Variants in SLC35A3 observed in about 807,000 individuals in gnomAD.
SLC35A3 encodes UDP-N-acetylglucosamine transporter.
SLC35A3 carries 26 observed loss-of-function variants against 39.0 expected under a neutral mutation model. The ratio of observed to expected loss-of-function variants is 0.67; its 90% CI spans 0.49 to 0.92. The LOEUF (loss-of-function observed/expected upper bound fraction) is 0.92. Among genes scored for constraint, SLC35A3 ranks in the 40% least tolerant of loss-of-function variants. The probability of loss-of-function intolerance (pLI) is 0.00; values close to 1 mark genes in which losing one functional copy is unlikely to be tolerated. For synonymous variants in SLC35A3, 135 were observed against 133.1 expected (o/e 1.01, Z -0.10); for missense variants, 299 against 371.6 (o/e 0.80, Z 1.61).
chr1:99,975,631 G>A (rs556906427), intron 1 of SLC35A3, among the ~76,000 whole-genome samples: 3 of 152,260 alleles, frequency 2.0e-5, no homozygotes, highest in South Asian at 2.1e-4. Context: ...ATATTTGTTC[G>A]TGAATGCATG....
Position 100,030,764 on chromosome 1 carries a change from G to A in SLC35A3, c.*8288G>A, listed in dbSNP as rs1305370581. ...ATTAAGTTTTTCCCTTTAGGCTAAA[G>A]TTTTATTTTATTCTGCTTGGATAGT... On this transcript the variant is annotated 3_prime_UTR_variant, in exon 8 of 8. Coordinates refer to ENST00000533028, the MANE Select transcript of SLC35A3 (RefSeq NM_012243.3). The A allele has an allele frequency of 6.6e-6, 1 of 152,140 alleles. No individual in the cohort carries two copies. Among genetic ancestry groups the A allele is most frequent in the Non-Finnish European group, 1.5e-5 (1 of 68,012 alleles). The allele number at this position is 152,140 out of a possible 1,614,324, so 9.4% of individuals were successfully genotyped here.
intron 7 of SLC35A3, among the ~76,000 whole-genome samples, chr1:100,021,460 C>T (rs1249373784): frequency 6.6e-6 from 1 of 151,974 alleles, no homozygotes; most frequent in African/African-American, 2.4e-5. Context: ...ATCACTTGAG[C>T]CCAGGAGTTC....
intron 3 of SLC35A3, among the ~76,000 whole-genome samples, chr1:100,001,700 C>T (rs1177513189): frequency 1.3e-5 from 2 of 151,718 alleles, no homozygotes; most frequent in South Asian, 4.2e-4. Context: ...CTCATTTGCC[C>T]GATTTTGTTC....
chr1:99,997,209 T>C (rs1177367498), intron 2 of SLC35A3, among the ~76,000 whole-genome samples: 5 of 151,650 alleles, frequency 3.3e-5, no homozygotes, highest in East Asian at 1.9e-4. Context: ...TGGGTAGTTA[T>C]GCAACACAAT....
intron 1 of SLC35A3, among the ~76,000 whole-genome samples, chr1:99,974,300 T>A (rs1457394548): frequency 6.6e-6 from 1 of 152,150 alleles, no homozygotes; most frequent in African/African-American, 2.4e-5. Flanking sequence ...TTATATTCCT[T>A]AATCATAACC....
At chr1:99,979,518 C>G (rs994948173) in intron 1 of SLC35A3, among the ~76,000 whole-genome samples, 3 of 150,868 alleles carry the variant, frequency 2.0e-5, no homozygotes, top group Non-Finnish European at 4.4e-5. Context: ...ACTGCAAGCT[C>G]CACCTCCCGG....
chr1:99,989,270 C>A (rs1657934813), intron 1 of SLC35A3, among the ~76,000 whole-genome samples: 1 of 151,532 alleles, frequency 6.6e-6, no homozygotes, highest in African/African-American at 2.4e-5. Flanking sequence ...GATAAAATAT[C>A]TTTGTTTTTT....
chr1:100,035,528 T>C lies in SLC35A3; in HGVS notation c.*13052T>C, dbSNP rs1165825878. 2 of 152,244 alleles carry C rather than the reference T, an allele frequency of 1.3e-5. No homozygotes were observed. The highest frequency in any genetic ancestry group is 4.1e-4 in the South Asian group (2 of 4,836). The allele number at this position is 152,244 out of a possible 1,614,324, so 9.4% of individuals were successfully genotyped here. ...GTATTTACTGCAATCTGCAATTACCTTCCTTTTGTTTTGTAACTGTGTCCC... is the reference window on the plus strand; with the variant it reads ...GTATTTACTGCAATCTGCAATTACCCTCCTTTTGTTTTGTAACTGTGTCCC... On this transcript the variant is annotated 3_prime_UTR_variant, in exon 8 of 8. Coordinates refer to ENST00000533028, the MANE Select transcript of SLC35A3 (RefSeq NM_012243.3).
At chr1:99,991,026 A>G (rs1658049817) in intron 1 of SLC35A3, among the ~76,000 whole-genome samples, 1 of 152,242 alleles carries the variant, frequency 6.6e-6, no homozygotes, top group Non-Finnish European at 1.5e-5. Context: ...TGCTGTGTTT[A>G]TAAGCCACCC....
intron 1 of SLC35A3, among the ~76,000 whole-genome samples, chr1:99,972,434 C>G (rs1335265399): frequency 6.7e-6 from 1 of 148,898 alleles, no homozygotes; most frequent in Admixed American, 6.8e-5. Context: ...CTTCCAGGTT[C>G]AAGAGATTCT....
At chr1:100,011,663 C>G (rs1659648000) in intron 5 of SLC35A3, 130 bp downstream of exon 5, 1 of 291,534 alleles carries the variant, frequency 3.4e-6, no homozygotes, top group South Asian at 1.6e-4. Flanking sequence ...TGGCAATGCT[C>G]TTGTCTTTTA....
intron 3 of SLC35A3, among the ~76,000 whole-genome samples, chr1:100,001,568 ATTTG>A (rs1658802599): frequency 6.6e-6 from 1 of 152,016 alleles, no homozygotes; most frequent in Admixed American, 6.6e-5. Context: ...AAACAACTGA[ATTTG>A]TTTATCAGCT....
chr1:99,986,325 C>G (rs1227714674), intron 1 of SLC35A3, among the ~76,000 whole-genome samples: 1 of 151,798 alleles, frequency 6.6e-6, no homozygotes, highest in Non-Finnish European at 1.5e-5. Flanking sequence ...CCACCATGCC[C>G]AGATAATTTT....
chr1:99,992,713 TACTC>T (rs1174428781), intron 1 of SLC35A3, among the ~76,000 whole-genome samples: 1 of 152,238 alleles, frequency 6.6e-6, no homozygotes, highest in African/African-American at 2.4e-5. Context: ...TGGTTGTCCT[TACTC>T]ATCCAAGTTG....
intron 1 of SLC35A3, among the ~76,000 whole-genome samples, chr1:99,986,121 A>G (rs968034052): frequency 2.0e-4 from 30 of 150,746 alleles, no homozygotes; most frequent in African/African-American, 5.4e-4. Flanking sequence ...TTAATTCTTT[A>G]TAGGTAATCT....
rs1661260157 is a variant in SLC35A3, at chr1:100,031,750, A to G, written c.*9274A>G. The G allele has an allele frequency of 6.6e-6, 1 of 152,166 alleles. No homozygotes were observed. The highest frequency in any genetic ancestry group is 1.5e-5 in the Non-Finnish European group (1 of 68,022). 9.4% of individuals were successfully genotyped at this position (152,166 alleles called of 1,614,324 possible). On this transcript the variant is annotated 3_prime_UTR_variant, in exon 8 of 8. Coordinates refer to ENST00000533028, the MANE Select transcript of SLC35A3 (RefSeq NM_012243.3). Reference sequence around the variant, plus strand: ...AGTTGTCTCAAAAATGATTTTTTATAGCTTTTTTGTTTTGGAACGAGGGTA... The same window carrying G: ...AGTTGTCTCAAAAATGATTTTTTATGGCTTTTTTGTTTTGGAACGAGGGTA...
Position 100,011,371 on chromosome 1 carries a change from T to C in SLC35A3, c.472T>C (p.Ser158Pro). Reference sequence around the variant, plus strand: ...TATTTTTCTTCTTATTTAGTGGCCCTCAGATTCTCAGCTTGATTCTAAGGA... The same window carrying C: ...TATTTTTCTTCTTATTTAGTGGCCCCCAGATTCTCAGCTTGATTCTAAGGA... ...MTGVAFVQWP[S>P]DSQLDSKELS... Residue 158 changes from serine to proline, a missense_variant, in exon 5 of 8, where the codon TCA becomes CCA. By Grantham distance (74) the Ser-to-Pro change is moderately conservative (BLOSUM62 -1). Coordinates refer to ENST00000533028, the MANE Select transcript of SLC35A3 (RefSeq NM_012243.3). 6.6e-7 allele frequency: 1 copy of C among 1,504,118 alleles called. No homozygotes were observed. Among genetic ancestry groups the C allele is most frequent in the Non-Finnish European group, 9.0e-7 (1 of 1,115,914 alleles). 93.2% of individuals were successfully genotyped at this position (1,504,118 alleles called of 1,614,324 possible).
At chr1:99,978,344 C>G (rs1023533483) in intron 1 of SLC35A3, among the ~76,000 whole-genome samples, 2 of 151,930 alleles carry the variant, frequency 1.3e-5, no homozygotes, top group African/African-American at 4.8e-5. Flanking sequence ...ACAGGGAGAC[C>G]CCATCTTTAC....
At position 100,033,935 on chromosome 1, in the gene SLC35A3, G is replaced by A. The variant is rs1352497838; in HGVS notation, c.*11459G>A. 2.0e-5 allele frequency: 3 copies of A among 152,198 alleles called. No homozygotes were observed. Among genetic ancestry groups the A allele is most frequent in the Non-Finnish European group, 4.4e-5 (3 of 68,038 alleles). 9.4% of individuals were successfully genotyped at this position (152,198 alleles called of 1,614,324 possible). A position where few individuals can be genotyped will look rare whatever the true frequency, so the allele number is the denominator to read the frequency against. Reference sequence around the variant, plus strand: ...TCTGTAGAGTATTCAAGGAGGGCTTGTAAGTACTGTACAATATTCTCTGAG... The same window carrying A: ...TCTGTAGAGTATTCAAGGAGGGCTTATAAGTACTGTACAATATTCTCTGAG... On this transcript the variant is annotated 3_prime_UTR_variant, in exon 8 of 8. Coordinates refer to ENST00000533028, the MANE Select transcript of SLC35A3 (RefSeq NM_012243.3).
Sources: gnomAD v4.1 joint callset for allele counts (sites outside exome capture counted in the v4.1 genomes callset) on GRCh38, gnomAD v4.1.1 for gene constraint, MANE v1.5 for transcripts, NCBI Gene and HGNC (gene_info 2026-07-23, HGNC 2026-07-21) for gene names.